ZNRF1: variants seen among roughly 807,000 people sequenced by gnomAD.
ZNRF1 encodes zinc and ring finger 1.
Under a neutral mutation model 18.4 loss-of-function variants are expected in ZNRF1, and 3 were observed. The ratio of observed to expected loss-of-function variants is 0.16; its 90% CI spans 0.07 to 0.42. ZNRF1 has a LOEUF of 0.42. ZNRF1 is among the 10% of genes least tolerant of loss of function. ZNRF1 has a pLI of 0.99. For missense variants in ZNRF1, 310 were observed against 329.8 expected (o/e 0.94, Z 0.47); for synonymous variants, 157 against 144.2 (o/e 1.09, Z -0.64).
At chr16:75,101,106 G>T (rs2036249709) in intron 2 of ZNRF1, among the ~76,000 whole-genome samples, 1 of 151,930 alleles carries the variant, frequency 6.6e-6, no homozygotes, top group African/African-American at 2.4e-5. Context: ...GCTAACTTTT[G>T]GTTTTTTAAT....
intron 1 of ZNRF1, among the ~76,000 whole-genome samples, chr16:75,039,188 T>A (rs1345353241): frequency 6.6e-6 from 1 of 152,326 alleles, no homozygotes; most frequent in East Asian, 1.9e-4. Flanking sequence ...ATGAACAGAT[T>A]TAAAATTAGA....
At chr16:75,040,903 C>T (rs1438999636) in intron 1 of ZNRF1, among the ~76,000 whole-genome samples, 1 of 152,126 alleles carries the variant, frequency 6.6e-6, no homozygotes, top group Non-Finnish European at 1.5e-5. Context: ...CCACCATGCC[C>T]AGCCCACTTA....
chr16:75,013,661 G>C (rs529443950), intron 1 of ZNRF1, among the ~76,000 whole-genome samples: 2 of 152,058 alleles, frequency 1.3e-5, no homozygotes, highest in South Asian at 4.2e-4. Context: ...TTCAGTTTTA[G>C]TAATGAACTC....
intron 2 of ZNRF1, among the ~76,000 whole-genome samples, chr16:75,094,431 A>G (rs1235695036): frequency 6.6e-6 from 1 of 152,240 alleles, no homozygotes; most frequent in African/African-American, 2.4e-5. Flanking sequence ...CATGCTGTGC[A>G]TAAGGCTTTG....
At chr16:75,104,285 C>G (rs909812261) in intron 2 of ZNRF1, 1 of 152,760 alleles carries the variant, frequency 6.5e-6, no homozygotes, top group African/African-American at 2.4e-5. Flanking sequence ...TGGGTTGTTT[C>G]CACCTTTGGG....
chr16:75,043,790 C>CTTTTTTTTTTTTTTTT (rs59324869), intron 1 of ZNRF1, among the ~76,000 whole-genome samples: 17 of 75,166 alleles, frequency 2.3e-4, no homozygotes, highest in Non-Finnish European at 2.9e-4. Flanking sequence ...TTGCTTTGTA[C>CTTTTTTTTTTTTTTTT]TTTTTTTTTT....
At chr16:75,077,571 A>C (rs751033425) in intron 1 of ZNRF1, among the ~76,000 whole-genome samples, 23 of 152,238 alleles carry the variant, frequency 1.5e-4, no homozygotes, top group Non-Finnish European at 3.2e-4. Context: ...TTAGAAGAAC[A>C]GCCATTTCTC....
intron 1 of ZNRF1, among the ~76,000 whole-genome samples, chr16:75,055,941 C>T (rs1408633203): frequency 1.3e-5 from 2 of 152,200 alleles, no homozygotes; most frequent in Non-Finnish European, 2.9e-5. Context: ...TCGATAAAGA[C>T]ATTTGCCAAC....
chr16:75,054,788 C>T (rs1485893248), intron 1 of ZNRF1, among the ~76,000 whole-genome samples: 1 of 152,238 alleles, frequency 6.6e-6, no homozygotes, highest in Admixed American at 6.5e-5. Flanking sequence ...CGTGGCTTCT[C>T]TAGGAATGTG....
At chr16:75,043,790 C>CTTTTTTTTTTTTTTTTTTTT (rs59324869) in intron 1 of ZNRF1, among the ~76,000 whole-genome samples, 1 of 75,190 alleles carries the variant, frequency 1.3e-5, no homozygotes, top group Non-Finnish European at 2.6e-5. Flanking sequence ...TTGCTTTGTA[C>CTTTTTTTTTTTTTTTTTTTT]TTTTTTTTTT....
chr16:75,099,812 C>T (rs1179250732), intron 2 of ZNRF1, among the ~76,000 whole-genome samples: 3 of 152,264 alleles, frequency 2.0e-5, no homozygotes, highest in East Asian at 1.9e-4. Context: ...GCAGCAGGTT[C>T]GTGTCAGATG....
intron 2 of ZNRF1, among the ~76,000 whole-genome samples, chr16:75,095,362 G>A (rs112955233): frequency 5.9e-5 from 9 of 152,120 alleles, no homozygotes; most frequent in Non-Finnish European, 8.8e-5. Context: ...CAGGCTTCGC[G>A]TCAGTCCTGT....
At chr16:75,015,048 AATT>A (rs954704587) in intron 1 of ZNRF1, among the ~76,000 whole-genome samples, 5 of 152,226 alleles carry the variant, frequency 3.3e-5, no homozygotes, top group African/African-American at 1.2e-4. Context: ...TGTGGATAAT[AATT>A]CTTTGTTGTC....
chr16:75,052,137 G>A (rs1487915351), intron 1 of ZNRF1, among the ~76,000 whole-genome samples: 2 of 152,156 alleles, frequency 1.3e-5, no homozygotes, highest in South Asian at 2.1e-4. Context: ...GGTGGCTCAC[G>A]CCTGTTTTTC....
chr16:75,018,239 G>C (rs1179615606), intron 1 of ZNRF1, among the ~76,000 whole-genome samples: 2 of 152,146 alleles, frequency 1.3e-5, no homozygotes, highest in East Asian at 3.9e-4. Context: ...TATAGTTTTG[G>C]TCCTTACTGT....
In ZNRF1 at chr16:75,109,861, C is replaced by T. The variant is rs2036361363; in HGVS notation, c.*2161C>T. 1 of 152,366 alleles carries T rather than the reference C, an allele frequency of 6.6e-6. No homozygotes were observed. Among genetic ancestry groups the T allele is most frequent in the Non-Finnish European group, 1.5e-5 (1 of 68,138 alleles). The allele number at this position is 152,366 out of a possible 1,614,324, so 9.4% of individuals were successfully genotyped here. A position where few individuals can be genotyped will look rare whatever the true frequency, so the allele number is the denominator to read the frequency against. The stretch of plus-strand genomic sequence containing the variant: ...TCACCACAAAGGGCACTGTTCTATT[C>T]ACAGCACCTCCTGCTTCTGCCTGGC... On this transcript the variant is annotated 3_prime_UTR_variant, in exon 5 of 5. Transcript: ENST00000335325.
chr16:75,006,382 T>C (rs542263713), intron 1 of ZNRF1, among the ~76,000 whole-genome samples: 16 of 152,218 alleles, frequency 1.1e-4, no homozygotes, highest in Non-Finnish European at 1.5e-4. Context: ...GTTGTGGTTC[T>C]AGAATCTTGA....
chr16:75,068,546 A>G (rs559026870), intron 1 of ZNRF1, among the ~76,000 whole-genome samples: 13 of 152,212 alleles, frequency 8.5e-5, no homozygotes, highest in South Asian at 6.2e-4. Context: ...GGTTTTGCCT[A>G]TTAAAGCCAA....
intron 1 of ZNRF1, among the ~76,000 whole-genome samples, chr16:75,011,652 T>C (rs2035002006): frequency 6.6e-6 from 1 of 152,222 alleles, no homozygotes; most frequent in Non-Finnish European, 1.5e-5. Context: ...ATTCATGCCA[T>C]TGCAGCCAGT....
Sources: gnomAD v4.1 joint callset for allele counts (sites outside exome capture counted in the v4.1 genomes callset) on GRCh38, gnomAD v4.1.1 for gene constraint, MANE v1.5 for transcripts, NCBI Gene and HGNC (gene_info 2026-07-23, HGNC 2026-07-21) for gene names.